The following PALS2 variants were observed in gnomAD, a reference collection of about 807,000 sequenced individuals.
The protein encoded by PALS2 is protein PALS2.
In PALS2, 27 loss-of-function variants were observed where a neutral mutation model predicts 61.6. The ratio of observed to expected loss-of-function variants is 0.44; its 90% CI spans 0.32 to 0.60. The LOEUF (loss-of-function observed/expected upper bound fraction) is 0.60, where lower values mean the gene tolerates loss of function less well. PALS2 is among the 20% of genes least tolerant of loss of function. The pLI, the probability that PALS2 is intolerant of heterozygous loss-of-function variation, is 0.05. For missense variants in PALS2, 554 were observed against 639.4 expected (o/e 0.87, Z 1.44); for synonymous variants, 236 against 218.6 (o/e 1.08, Z -0.70).
At chr7:24,595,174 C>G (rs1386124158) in intron 1 of PALS2, among the ~76,000 whole-genome samples, 1 of 151,592 alleles carries the variant, frequency 6.6e-6, no homozygotes, top group African/African-American at 2.4e-5. Flanking sequence ...ATCAAAAGTT[C>G]TTCGTGACAG....
chr7:24,635,229 CAAT>C (rs1785180066), intron 2 of PALS2, among the ~76,000 whole-genome samples: 1 of 152,082 alleles, frequency 6.6e-6, no homozygotes, highest in Non-Finnish European at 1.5e-5. Flanking sequence ...TTTCTTTCAA[CAAT>C]GTTTTATAAT....
intron 1 of PALS2, among the ~76,000 whole-genome samples, chr7:24,607,652 TGC>T (rs1783964998): frequency 6.7e-6 from 1 of 150,108 alleles, no homozygotes; most frequent in Non-Finnish European, 1.5e-5. Flanking sequence ...TGTATATGTA[TGC>T]GTATGTATAC....
intron 2 of PALS2, among the ~76,000 whole-genome samples, chr7:24,635,315 T>C (rs1785184692): frequency 6.6e-6 from 1 of 152,238 alleles, no homozygotes; most frequent in African/African-American, 2.4e-5. Flanking sequence ...GCTGCTGTTA[T>C]GAATGGATTT....
chr7:24,680,240 T>C (rs1447690387), intron 10 of PALS2, 152 bp from the exon 11 acceptor site: 1 of 655,254 alleles, frequency 1.5e-6, no homozygotes, highest in Non-Finnish European at 2.4e-6. Context: ...GAAAGTACTA[T>C]ATGGAATGAG....
intron 6 of PALS2, 48 bp downstream of exon 6, chr7:24,663,769 C>T (rs1352605628): frequency 1.3e-6 from 2 of 1,550,016 alleles, no homozygotes; most frequent in Admixed American, 3.5e-5. Context: ...TAATTTTAAT[C>T]TTAGATCTGA....
Position 24,691,401 on chromosome 7 carries a change from G to GTATA in PALS2, c.*3788_*3789insATAT, listed in dbSNP as rs1788461718. 8.9e-6 allele frequency: 1 copy of GTATA among 112,164 alleles called. No individual in the cohort carries two copies. The highest frequency in any genetic ancestry group is 2.0e-5 in the Non-Finnish European group (1 of 51,066). The allele number at this position is 112,164 out of a possible 1,614,324, so 6.9% of individuals were successfully genotyped here. On this transcript the variant is annotated 3_prime_UTR_variant, in exon 12 of 12. Transcript: ENST00000222644. ...CCATATATTATGTATGTGTGTGTGT[G>GTATA]TGTGTATATATATATATATATATAT...
Position 24,661,573 on chromosome 7 carries a change from ATCTT to A in PALS2, c.652-2012_652-2009del, listed in dbSNP as rs562343599. 1.2e-4 allele frequency among the ~76,000 whole-genome samples: 18 copies of A among 152,304 alleles called. 1 individual carries two copies. The South Asian group carries it at 3.5e-3, about 30-fold the overall frequency. On this transcript the variant is annotated intron_variant, in intron 5 of 11. Transcript: ENST00000222644. ...TCTCTTGCTATTCTTCAATCACTGC[ATCTT>A]TCTTGAGAAGTAAGGAGTATGCAGG...
rs560136481 is a variant in PALS2, at chr7:24,640,777, G to A, written c.118-939G>A. On this transcript the variant is annotated intron_variant, in intron 2 of 11. Coordinates refer to ENST00000222644, the MANE Select transcript of PALS2 (RefSeq NM_001303037.2). ...TAATCCCAGCACTTTGGGAGGCCGA[G>A]GCGGGTGGATCACGAGGTCAGGAGA... Among the ~76,000 whole-genome samples the A allele has an allele frequency of 3.3e-5, 5 of 152,124 alleles. No individual in the cohort carries two copies. The South Asian group carries it at 8.3e-4, about 25-fold the overall frequency.
At position 24,650,562 on chromosome 7, in the gene PALS2, T is replaced by G. The variant is rs757717999; in HGVS notation, c.501T>G (p.Gly167=). 2.5e-6 allele frequency: 4 copies of G among 1,613,508 alleles called. No individual in the cohort carries two copies. Among genetic ancestry groups the G allele is most frequent in the Admixed American group, 1.7e-5 (1 of 59,976 alleles). Residue 167 remains glycine, a synonymous_variant, in exon 5 of 12, where the codon GGT becomes GGG. Transcript: ENST00000222644. ...ILHGGMIDRQ[G]LLHVGDIIKE... is the part of the protein sequence containing the mutation. ...ATGGGGGAATGATAGATCGACAAGG[T>G]CTACTTCATGTGGGAGATATAATTA...
intron 3 of PALS2, among the ~76,000 whole-genome samples, chr7:24,645,232 G>A (rs797019966): frequency 2.8e-4 from 42 of 152,070 alleles, no homozygotes; most frequent in African/African-American, 9.6e-4. Context: ...ATGGTATTGC[G>A]CAGGTTGTCT....
chr7:24,644,052 A>G (rs139576165), intron 3 of PALS2, among the ~76,000 whole-genome samples: 3 of 151,374 alleles, frequency 2.0e-5, no homozygotes, highest in East Asian at 1.9e-4. Context: ...CTACTGATGA[A>G]CACAAGTTAA....
At chr7:24,639,396 T>C (rs1785398893) in intron 2 of PALS2, among the ~76,000 whole-genome samples, 1 of 126,028 alleles carries the variant, frequency 7.9e-6, no homozygotes, top group South Asian at 2.6e-4. Context: ...TATACCTACC[T>C]TTGCTGAATA....
intron 10 of PALS2, among the ~76,000 whole-genome samples, chr7:24,679,722 A>G (rs1030683574): frequency 7.5e-5 from 8 of 106,122 alleles, no homozygotes; most frequent in African/African-American, 6.0e-4. Flanking sequence ...ACACCTCTAC[A>G]CTATTCATTT....
At chr7:24,655,146 G>T (rs578220320) in intron 5 of PALS2, among the ~76,000 whole-genome samples, 1 of 152,108 alleles carries the variant, frequency 6.6e-6, no homozygotes, top group Non-Finnish European at 1.5e-5. Flanking sequence ...GTGTGTATTG[G>T]TATAAACACA....
At chr7:24,659,502 T>G (rs1393812515) in intron 5 of PALS2, among the ~76,000 whole-genome samples, 1 of 152,218 alleles carries the variant, frequency 6.6e-6, no homozygotes, top group East Asian at 1.9e-4. Flanking sequence ...CCAACATCTG[T>G]TATTTTTTGA....
chr7:24,597,854 G>A (rs1783580390), intron 1 of PALS2, among the ~76,000 whole-genome samples: 1 of 152,142 alleles, frequency 6.6e-6, no homozygotes, highest in Non-Finnish European at 1.5e-5. Context: ...TGTGGTAAAT[G>A]TTTGAAATAG....
intron 1 of PALS2, among the ~76,000 whole-genome samples, chr7:24,622,136 CTT>C (rs1030147778): frequency 6.6e-6 from 1 of 151,872 alleles, no homozygotes; most frequent in African/African-American, 2.4e-5. Context: ...TTTGAAGACT[CTT>C]TTGGCTATTC....
In PALS2 at chr7:24,663,690, TTGTAAATAGAG is replaced by T; in HGVS notation, c.753_763del (p.Val252ArgfsTer8). The T allele has an allele frequency of 6.2e-7, 1 of 1,610,266 alleles. No homozygotes were observed. The highest frequency in any genetic ancestry group is 8.5e-7 in the Non-Finnish European group (1 of 1,177,034). On this transcript the variant is annotated frameshift_variant, in exon 6 of 12. Coordinates refer to ENST00000222644, the MANE Select transcript of PALS2 (RefSeq NM_001303037.2). LOFTEE classifies it high-confidence loss of function. ...TTTTCCAAAGGAGAGATTCTTCAGA[TTGTAAATAGAG>T]AAGATCCAAATTGGTGGCAGGTTAG...
chr7:24,610,658 T>C (rs1258007791), intron 1 of PALS2, among the ~76,000 whole-genome samples: 1 of 152,196 alleles, frequency 6.6e-6, no homozygotes, highest in African/African-American at 2.4e-5. Context: ...AATCAGTATG[T>C]GAAAATAGTT....
Sources: gnomAD v4.1 joint callset for allele counts (sites outside exome capture counted in the v4.1 genomes callset) on GRCh38, gnomAD v4.1.1 for gene constraint, MANE v1.5 for transcripts, NCBI Gene and HGNC (gene_info 2026-07-23, HGNC 2026-07-21) for gene names.